BLTP2: variants seen among roughly 807,000 people sequenced by gnomAD.
BLTP2 encodes bridge-like lipid transfer protein family member 2, also known as U937-associated antigen.
chr17:28,616,021 C>A, the BLTP2 span: 1 of 1,247,274 alleles, frequency 8.0e-7, no homozygotes, highest in South Asian at 1.2e-5. The surrounding 1 kb of genome is among the most constrained non-coding windows in gnomAD (Gnocchi z 4.8). Context: ...ACCTAGCTGT[C>A]TCCCTGTATA....
the BLTP2 span, chr17:28,634,565 C>T: frequency 6.2e-7 from 1 of 1,614,100 alleles, no homozygotes; most frequent in Non-Finnish European, 8.5e-7. Context: ...CACTGAATGA[C>T]AAGATCTAAT....
At chr17:28,631,671 C>T in the BLTP2 span, 1 of 1,614,124 alleles carries the variant, frequency 6.2e-7, no homozygotes, top group Non-Finnish European at 8.5e-7. Context: ...GGCGCCGCAT[C>T]ACTGTGCCTG....
At chr17:28,633,532 A>G in the BLTP2 span, 5 of 1,613,212 alleles carry the variant, frequency 3.1e-6, no homozygotes, top group Non-Finnish European at 4.2e-6. Context: ...GGATAAAAGT[A>G]TCATGACACC....
chr17:28,639,094 A>T, the BLTP2 span: 44 of 577,664 alleles, frequency 7.6e-5, no homozygotes, highest in Admixed American at 6.3e-4. Flanking sequence ...TGTATAAAAC[A>T]CTACACTGAG....
chr17:28,643,463 C>A, the BLTP2 span: 57 of 1,326,182 alleles, frequency 4.3e-5, no homozygotes, highest in East Asian at 1.3e-3. Flanking sequence ...TTCCTCACAA[C>A]ACAATGGCAC....
At chr17:28,632,795 A>G in the BLTP2 span, 23 of 540,452 alleles carry the variant, frequency 4.3e-5, no homozygotes, top group African/African-American at 3.6e-4. Flanking sequence ...TTCCCCTGCC[A>G]AAAAACAAAA....
At chr17:28,616,279 C>T in the BLTP2 span, 2 of 1,600,770 alleles carry the variant, frequency 1.2e-6, no homozygotes, top group Non-Finnish European at 8.6e-7. This position sits in a 1 kb window ranked among gnomAD's most constrained non-coding sequence, Gnocchi z 4.8. Context: ...CTTCTTTTAT[C>T]CCTAGAATGG....
chr17:28,632,285 G>A, the BLTP2 span: 1 of 1,523,578 alleles, frequency 6.6e-7, no homozygotes, highest in African/African-American at 1.4e-5. Context: ...ATGAAACACA[G>A]AGGTAAAGCT....
At chr17:28,644,072 G>A in the BLTP2 span, 3 of 1,614,196 alleles carry the variant, frequency 1.9e-6, no homozygotes, top group Non-Finnish European at 2.5e-6. Context: ...GTTTGCTGGT[G>A]TTGCTGAAAC....
At chr17:28,638,549 G>A in the BLTP2 span, 2 of 1,612,374 alleles carry the variant, frequency 1.2e-6, no homozygotes, top group Non-Finnish European at 1.7e-6. Flanking sequence ...TGAATCCCAA[G>A]GCAAAAGGTG....
chr17:28,643,074 A>C, the BLTP2 span: 1 of 1,558,446 alleles, frequency 6.4e-7, no homozygotes, highest in Non-Finnish European at 8.8e-7. Flanking sequence ...AGCTCTTAGC[A>C]TTATGCCCTA....
chr17:28,644,940 C>G, the BLTP2 span: 11 of 1,493,366 alleles, frequency 7.4e-6, no homozygotes, highest in Admixed American at 1.4e-4. Context: ...CTCTCCGCCC[C>G]CTCCCTCCCG....
the BLTP2 span, chr17:28,640,648 C>T: frequency 1.2e-6 from 2 of 1,613,986 alleles, no homozygotes; most frequent in South Asian, 1.1e-5. Context: ...AGGAATAGGC[C>T]AGGCAGAGTT....
chr17:28,624,612 C>T, the BLTP2 span, among the ~76,000 whole-genome samples: 103 of 152,236 alleles, frequency 6.8e-4, no homozygotes, highest in African/African-American at 2.1e-3. Flanking sequence ...TAACAGATTC[C>T]CAACAGAAAC....
At chr17:28,632,903 C>T in the BLTP2 span, 1 of 1,456,838 alleles carries the variant, frequency 6.9e-7, no homozygotes, top group Non-Finnish European at 9.2e-7. Context: ...CCCGTCCTCC[C>T]AAGCCCTTCC....
chr17:28,617,010 G>A, the BLTP2 span: 1 of 1,591,760 alleles, frequency 6.3e-7, no homozygotes, highest in Non-Finnish European at 8.6e-7. Flanking sequence ...CTGTAGGATA[G>A]AGAGTAAAGA....
the BLTP2 span, chr17:28,624,467 T>C: frequency 6.8e-6 from 9 of 1,318,714 alleles, no homozygotes; most frequent in Non-Finnish European, 8.4e-6. Context: ...GCCAAATTGA[T>C]CTTCCCTCAA....
the BLTP2 span, among the ~76,000 whole-genome samples, chr17:28,625,334 C>CAAAAAAA: frequency 1.8e-3 from 53 of 28,808 alleles, no homozygotes; most frequent in African/African-American, 4.8e-3. Flanking sequence ...GACTCCGTCT[C>CAAAAAAA]AAAAAAAAAA....
the BLTP2 span, chr17:28,645,064 CGG>C: frequency 6.3e-7 from 1 of 1,589,272 alleles, no homozygotes; most frequent in South Asian, 1.1e-5. Flanking sequence ...CATTTAGGTC[CGG>C]GTCCGGCCCG....
Sources: gnomAD v4.1 joint callset for allele counts (sites outside exome capture counted in the v4.1 genomes callset) on GRCh38, gnomAD v4.1.1 for gene constraint, Gnocchi (gnomAD v3.1) non-coding constraint, MANE v1.5 for transcripts, NCBI Gene and HGNC (gene_info 2026-07-23, HGNC 2026-07-21) for gene names.